The following JCAD variants were observed in gnomAD, a reference collection of about 807,000 sequenced individuals.
JCAD encodes the protein junctional cadherin 5-associated protein.
In JCAD, 40 loss-of-function variants were observed where a neutral mutation model predicts 98.0. That is an observed-to-expected ratio of 0.41 (90% CI 0.32 to 0.53). JCAD has a LOEUF of 0.53. JCAD is among the 20% of genes least tolerant of loss of function. JCAD has a pLI of 0.31. For synonymous variants in JCAD, 691 were observed against 682.3 expected, an observed-to-expected ratio of 1.01 and a Z score of -0.20; for missense variants, 1,705 against 1,738.1, an observed-to-expected ratio of 0.98 and a Z score of 0.34.
Position 30,028,012 on chromosome 10 carries a change from C to T in JCAD, c.2136G>A (p.Gly712=). The part of the protein sequence containing the change: ...SQLLPGAKLG[G]PSRAALSPKC... Reference sequence around the variant, plus strand: ...TTGGACTCAATGCTGCACGACTCGGCCCTCCCAGCTTTGCACCAGGGAGCA... The same window carrying T: ...TTGGACTCAATGCTGCACGACTCGGTCCTCCCAGCTTTGCACCAGGGAGCA... Residue 712 remains glycine, a synonymous_variant, in exon 3 of 4, where the codon GGG becomes GGA. Coordinates refer to ENST00000375377, the MANE Select transcript of JCAD (RefSeq NM_020848.4). 1 of 1,614,236 alleles carries T rather than the reference C, an allele frequency of 6.2e-7. No individual in the cohort carries two copies. The highest frequency in any genetic ancestry group is 8.5e-7 in the Non-Finnish European group (1 of 1,180,050).
chr10:30,049,624 A>T (rs1309215240), intron 1 of JCAD, among the ~76,000 whole-genome samples: 1 of 152,184 alleles, frequency 6.6e-6, no homozygotes, highest in Non-Finnish European at 1.5e-5. Context: ...TGACACTCCT[A>T]CTGCATGTCT....
At position 30,047,636 on chromosome 10, in the gene JCAD, C is replaced by T. The variant is rs1457958087; in HGVS notation, c.177G>A (p.Thr59=). The stretch of plus-strand genomic sequence containing the variant: ...CACTCACATGTCCTTTCCCCGCGGA[C>T]GTCTTACGATGTGCGAGGGCCGCAG... The part of the protein sequence containing the change: ...DGPAALAHRK[T]SAGKGHVSDS... Residue 59 remains threonine, a synonymous_variant, in exon 2 of 4, where the codon ACG becomes ACA. Transcript: ENST00000375377. 16 of 1,614,060 alleles carry T rather than the reference C, an allele frequency of 9.9e-6. No homozygotes were observed. Among genetic ancestry groups the T allele is most frequent in the Middle Eastern group, 1.6e-4 (1 of 6,084 alleles).
At chr10:30,084,405 G>A (rs959209259) in intron 1 of JCAD, among the ~76,000 whole-genome samples, 8 of 152,198 alleles carry the variant, frequency 5.3e-5, no homozygotes, top group Non-Finnish European at 1.2e-4. Flanking sequence ...AACCTTCTGT[G>A]CGTTTCTGTG....
chr10:30,027,311 C>T lies in JCAD; in HGVS notation c.2837G>A (p.Cys946Tyr). Residue 946 changes from cysteine to tyrosine, a missense_variant, in exon 3 of 4, where the codon TGC becomes TAC. This residue lies in a region of JCAD where 1,278 missense variants were observed against 1,243.1 expected (regional missense o/e 1.03). Coordinates refer to ENST00000375377, the MANE Select transcript of JCAD (RefSeq NM_020848.4). ...TGCACTCGTGCTTCCATCTGCTGAG[C>T]AGAAAGGTGCACCGCCACCTTCTTC... ...RVEEGGGAPF[C>Y]SADGSTSAEK... 6.2e-7 allele frequency: 1 copy of T among 1,613,906 alleles called. No homozygotes were observed. Among genetic ancestry groups the T allele is most frequent in the Non-Finnish European group, 8.5e-7 (1 of 1,180,040 alleles).
Position 30,094,269 on chromosome 10 carries a change from C to T in JCAD, n.128+21098G>A, listed in dbSNP as rs191142147. ...CCAACCTGGCCAAAATGGTAAAACC[C>T]TGTCTCTACTAAAAAAAAAAAAATA... On this transcript the variant is annotated intron_variant and non_coding_transcript_variant, in intron 1 of 2. Coordinates refer to the JCAD transcript ENST00000465712. 7.3e-3 allele frequency among the ~76,000 whole-genome samples: 1,081 copies of T among 148,708 alleles called. 5 individuals are homozygous for T. The highest frequency in any genetic ancestry group is 0.012 in the Non-Finnish European group (829 of 66,838).
At position 30,025,563 on chromosome 10, in the gene JCAD, G is replaced by A. The variant is rs150238183; in HGVS notation, c.4045+540C>T. 9.3e-4 allele frequency among the ~76,000 whole-genome samples: 118 copies of A among 126,882 alleles called. 1 individual carries two copies. Among genetic ancestry groups the A allele is most frequent in the Middle Eastern group, 4.2e-3 (1 of 236 alleles). 83.2% of individuals were successfully genotyped at this position (126,882 alleles called of 152,430 possible). ...GGGAGGGGAGGGGAGGGGAGGGGAG[G>A]GGAGGGGAGGGAGAAAAGGCTTAGA... On this transcript the variant is annotated intron_variant, in intron 3 of 3. Transcript: ENST00000375377.
intron 1 of JCAD, among the ~76,000 whole-genome samples, chr10:30,104,324 C>A (rs558603301): frequency 1.3e-5 from 2 of 152,188 alleles, no homozygotes; most frequent in South Asian, 4.2e-4. Flanking sequence ...ATGGAATCAA[C>A]CTAGGTGCCC....
At chr10:30,101,679 T>C (rs1838473130) in intron 1 of JCAD, among the ~76,000 whole-genome samples, 1 of 152,024 alleles carries the variant, frequency 6.6e-6, no homozygotes. Flanking sequence ...AGGCTAACTT[T>C]AGAATGCCTG....
chr10:30,053,761 TA>T (rs918008703), intron 1 of JCAD, among the ~76,000 whole-genome samples: 297 of 141,522 alleles, frequency 2.1e-3, no homozygotes, highest in Admixed American at 2.7e-3. Context: ...TCTAATTTAG[TA>T]AAAAAAAAAA....
chr10:30,030,400 C>T (rs1433749174), intron 2 of JCAD, among the ~76,000 whole-genome samples: 1 of 152,124 alleles, frequency 6.6e-6, no homozygotes, highest in Non-Finnish European at 1.5e-5. Context: ...GTGATTGCGC[C>T]ACTGCACTCC....
intron 1 of JCAD, among the ~76,000 whole-genome samples, chr10:30,095,652 A>T (rs7894970): frequency 0.12 from 18,226 of 152,204 alleles, 3,232 homozygotes; most frequent in African/African-American, 0.39. Flanking sequence ...CACCTGTGGA[A>T]CTCCCAGTCC....
intron 1 of JCAD, among the ~76,000 whole-genome samples, chr10:30,091,426 T>C (rs1838261668): frequency 6.6e-6 from 1 of 152,180 alleles, no homozygotes; most frequent in Non-Finnish European, 1.5e-5. Context: ...CAATAACTAT[T>C]CTTTGTTTTT....
At chr10:30,095,032 G>T (rs566303897) in intron 1 of JCAD, among the ~76,000 whole-genome samples, 9 of 152,120 alleles carry the variant, frequency 5.9e-5, no homozygotes, top group Non-Finnish European at 1.0e-4. Context: ...GATCTTGGCC[G>T]GTGCACCTCC....
intron 2 of JCAD, among the ~76,000 whole-genome samples, chr10:30,030,470 G>A (rs907835740): frequency 6.6e-6 from 1 of 152,114 alleles, no homozygotes; most frequent in Admixed American, 6.5e-5. Context: ...AGGGAACAAG[G>A]GTTAACTGTT....
Position 30,017,884 on chromosome 10 carries a change from C to T in JCAD, c.4079G>A (p.Ter1360=), listed in dbSNP as rs1836569382. 6.2e-7 allele frequency: 1 copy of T among 1,612,854 alleles called. No individual in the cohort carries two copies. The highest frequency in any genetic ancestry group is 1.3e-5 in the African/African-American group (1 of 75,014). Residue 1360 remains the stop codon, a stop_retained_variant, in exon 4 of 4, where the codon TGA becomes TAA. Coordinates refer to ENST00000375377, the MANE Select transcript of JCAD (RefSeq NM_020848.4). ...AATGCAAGCTCCACCGGCATTTCAT[C>T]ACACCCTCTCCACTCTGCTAGGGTC... The part of the protein sequence containing the change: ...SYDPSRVERV[*]
At chr10:30,110,575 T>C (rs1234419884) in intron 1 of JCAD, among the ~76,000 whole-genome samples, 2 of 150,650 alleles carry the variant, frequency 1.3e-5, no homozygotes, top group South Asian at 2.1e-4. Context: ...TATAGGCCAG[T>C]TGACATATGG....
At chr10:30,099,822 G>A (rs1420174944) in intron 1 of JCAD, among the ~76,000 whole-genome samples, 7 of 151,410 alleles carry the variant, frequency 4.6e-5, no homozygotes, top group African/African-American at 9.7e-5. Context: ...AACCTTTTTC[G>A]ATTACCTCCT....
chr10:30,106,175 C>T (rs1295193265), intron 1 of JCAD, among the ~76,000 whole-genome samples: 1 of 152,096 alleles, frequency 6.6e-6, no homozygotes, highest in Non-Finnish European at 1.5e-5. Context: ...GTAATCCCAG[C>T]ACTTTGGGAT....
At chr10:30,068,924 C>A (rs1837833691) in intron 2 of JCAD, among the ~76,000 whole-genome samples, 1 of 152,258 alleles carries the variant, frequency 6.6e-6, no homozygotes, top group African/African-American at 2.4e-5. Flanking sequence ...TGGCCAAGGC[C>A]TTCTCACTCC....
Sources: allele counts gnomAD v4.1 joint callset (sites outside exome capture counted in the v4.1 genomes callset), GRCh38; gene constraint gnomAD v4.1.1; regional missense constraint gnomAD v4.1.1; transcripts MANE v1.5; gene names NCBI Gene and HGNC (gene_info 2026-07-23, HGNC 2026-07-21).